Variants in NELL2 observed in about 807,000 individuals in gnomAD.
NELL2 encodes the protein neural EGFL like 2.
Under a neutral mutation model 109.6 loss-of-function variants are expected in NELL2, and 41 were observed. That is an observed-to-expected ratio of 0.37 (90% CI 0.29 to 0.49). The LOEUF (loss-of-function observed/expected upper bound fraction) is 0.49, where lower values mean the gene tolerates loss of function less well. Ranked by LOEUF, NELL2 falls within the 20% of genes least tolerant of loss-of-function variation. The pLI is 0.98. For synonymous variants in NELL2, 355 were observed against 344.7 expected (o/e 1.03, Z -0.33); for missense variants, 900 against 1,008.3 (o/e 0.89, Z 1.45).
At chr12:44,770,029 T>C (rs1941486657) in intron 9 of NELL2, among the ~76,000 whole-genome samples, 1 of 152,086 alleles carries the variant, frequency 6.6e-6, no homozygotes, top group Non-Finnish European at 1.5e-5. Flanking sequence ...AGAAAAAAAT[T>C]ACCGTGCATT....
rs146084493 is a variant in NELL2 at position 44,689,540 on chromosome 12, G to A, written c.1318+14186C>T. ...ACCCACAGGGCCAGGCAGCCCTTAT[G>A]TCCCCATACATACATTTCTCTTCAC... On this transcript the variant is annotated intron_variant, in intron 12 of 19. Transcript: ENST00000429094. Among the ~76,000 whole-genome samples the A allele has an allele frequency of 6.3e-3, 961 of 152,190 alleles. 6 individuals are homozygous for A. The highest frequency in any genetic ancestry group is 0.011 in the Non-Finnish European group (767 of 68,012).
At chr12:44,550,879 G>A (rs982495710) in intron 15 of NELL2, among the ~76,000 whole-genome samples, 1 of 152,086 alleles carries the variant, frequency 6.6e-6, no homozygotes, top group African/African-American at 2.4e-5. Context: ...GAAAGGGGAA[G>A]GTGATGGTTA....
At chr12:44,691,855 G>T (rs1948909982) in intron 12 of NELL2, among the ~76,000 whole-genome samples, 1 of 152,150 alleles carries the variant, frequency 6.6e-6, no homozygotes, top group South Asian at 2.1e-4. Context: ...TGATGAAGCT[G>T]CAGAAGAAAA....
chr12:44,746,455 A>C (rs1940359387), intron 9 of NELL2, among the ~76,000 whole-genome samples: 1 of 152,218 alleles, frequency 6.6e-6, no homozygotes, highest in Non-Finnish European at 1.5e-5. Flanking sequence ...AATGGGATCT[A>C]ATTCAACTCA....
intron 15 of NELL2, among the ~76,000 whole-genome samples, chr12:44,546,349 A>G (rs1942793099): frequency 6.6e-6 from 1 of 152,128 alleles, no homozygotes; most frequent in Non-Finnish European, 1.5e-5. Flanking sequence ...CGAGTGTCAT[A>G]TGCCTGACAG....
At chr12:44,516,024 CT>C (rs767629279) in intron 19 of NELL2, among the ~76,000 whole-genome samples, 1 of 151,328 alleles carries the variant, frequency 6.6e-6, no homozygotes, top group Non-Finnish European at 1.5e-5. Context: ...ATGACCAGTA[CT>C]TTTTTTTATT....
intron 9 of NELL2, among the ~76,000 whole-genome samples, chr12:44,746,752 C>G (rs1592451916): frequency 6.6e-6 from 1 of 152,118 alleles, no homozygotes; most frequent in African/African-American, 2.4e-5. Flanking sequence ...CAATGAGATA[C>G]CATCTCATAC....
At chr12:44,891,688 T>A (rs1282257477) in intron 1 of NELL2, among the ~76,000 whole-genome samples, 1 of 152,202 alleles carries the variant, frequency 6.6e-6, no homozygotes, top group East Asian at 1.9e-4. Flanking sequence ...CCCACTAGAC[T>A]GAAAGCTCTA....
At chr12:44,876,522 G>T, upstream of NELL2, 4 of 1,408,710 alleles carry the variant, frequency 2.8e-6, no homozygotes, top group South Asian at 1.6e-5. Flanking sequence ...TCCCTCTCTC[G>T]ATGACCCGGG....
At chr12:44,790,151 A>T (rs1942327322) in intron 3 of NELL2, among the ~76,000 whole-genome samples, 1 of 152,198 alleles carries the variant, frequency 6.6e-6, no homozygotes, top group African/African-American at 2.4e-5. Flanking sequence ...TCATAAAAAG[A>T]TCATCGCCTA....
chr12:44,909,905 G>A (rs1488988775), intron 1 of NELL2, among the ~76,000 whole-genome samples: 2 of 151,898 alleles, frequency 1.3e-5, no homozygotes, highest in South Asian at 2.1e-4. Flanking sequence ...AATAAATGGT[G>A]CTGGAATAGC....
intron 3 of NELL2, among the ~76,000 whole-genome samples, chr12:44,783,492 C>T (rs1034873142): frequency 3.3e-5 from 5 of 151,720 alleles, no homozygotes; most frequent in Non-Finnish European, 7.4e-5. Flanking sequence ...GAAAAGATAT[C>T]AATATTAAGA....
At chr12:44,875,606 G>C (rs776148588) in intron 1 of NELL2, 56 of 1,612,430 alleles carry the variant, frequency 3.5e-5, no homozygotes, top group African/African-American at 9.4e-5. Flanking sequence ...TCAGCCCTCC[G>C]ACCCTGGACT....
intron 13 of NELL2, among the ~76,000 whole-genome samples, chr12:44,632,414 G>A (rs990401443): frequency 2.0e-5 from 3 of 152,044 alleles, no homozygotes; most frequent in Admixed American, 1.3e-4. Context: ...AAAACAAGCA[G>A]ACCTGGGCAC....
At chr12:44,779,433 TG>T (rs1317120947) in intron 5 of NELL2, among the ~76,000 whole-genome samples, 1 of 152,198 alleles carries the variant, frequency 6.6e-6, no homozygotes, top group Non-Finnish European at 1.5e-5. Context: ...CTGCCCTGAT[TG>T]CAGCCTTGTG....
chr12:44,693,349 A>G (rs1173199889), intron 12 of NELL2, among the ~76,000 whole-genome samples: 1 of 152,220 alleles, frequency 6.6e-6, no homozygotes, highest in Admixed American at 6.5e-5. Flanking sequence ...GTGTAAATAT[A>G]ACTTTTATAT....
chr12:44,565,197 T>TTC (rs1786454308), intron 15 of NELL2, among the ~76,000 whole-genome samples: 1 of 152,138 alleles, frequency 6.6e-6, no homozygotes, highest in South Asian at 2.1e-4. Context: ...GTGAAGCATA[T>TTC]TCTCCTCCTT....
At chr12:44,777,552 T>C (rs1371125197) in intron 5 of NELL2, among the ~76,000 whole-genome samples, 1 of 152,200 alleles carries the variant, frequency 6.6e-6, no homozygotes, top group Non-Finnish European at 1.5e-5. Flanking sequence ...TAAGATTAAA[T>C]GTCAAGATAT....
At chr12:44,914,280 T>A (rs1009559311), upstream of NELL2, 2 of 152,552 alleles carry the variant, frequency 1.3e-5, no homozygotes, top group Admixed American at 1.3e-4. Flanking sequence ...GATATCGCTC[T>A]CCTTCCCTTG....
Sources: gnomAD v4.1 joint callset for allele counts (sites outside exome capture counted in the v4.1 genomes callset) on GRCh38, gnomAD v4.1.1 for gene constraint, MANE v1.5 for transcripts, NCBI Gene and HGNC (gene_info 2026-07-23, HGNC 2026-07-21) for gene names.